The following ANKRD13A variants were observed in gnomAD, a reference collection of about 807,000 sequenced individuals.
The protein encoded by ANKRD13A is ankyrin repeat domain 13A, also known as ankyrin repeat domain-containing protein 13A.
A neutral mutation model predicts 81.3 loss-of-function variants in ANKRD13A; 48 were observed. That is an observed-to-expected ratio of 0.59 (90% confidence interval 0.47 to 0.75). ANKRD13A has a LOEUF of 0.75. Among genes scored for constraint, ANKRD13A ranks in the 30% least tolerant of loss-of-function variants. The pLI, the probability that ANKRD13A is intolerant of heterozygous loss-of-function variation, is 0.00. For missense variants in ANKRD13A, 612 were observed against 734.0 expected (o/e 0.83, Z 1.92); for synonymous variants, 230 against 270.1 (o/e 0.85, Z 1.45).
At chr12:110,034,314 C>T (rs1313962122) in intron 13 of ANKRD13A, among the ~76,000 whole-genome samples, 1 of 152,080 alleles carries the variant, frequency 6.6e-6, no homozygotes, top group Admixed American at 6.6e-5. Flanking sequence ...TCAGTAGTCT[C>T]GGATGAAGGT....
intron 6 of ANKRD13A, chr12:110,021,219 T>C (rs1891060120): frequency 9.0e-6 from 4 of 446,840 alleles, no homozygotes; most frequent in Non-Finnish European, 1.8e-5. Flanking sequence ...AAATGTGTGC[T>C]TGTCGTGCAT....
intron 13 of ANKRD13A, among the ~76,000 whole-genome samples, chr12:110,035,383 C>A (rs1276631593): frequency 6.6e-6 from 1 of 152,014 alleles, no homozygotes; most frequent in Non-Finnish European, 1.5e-5. Context: ...GATGGGAGGA[C>A]TGATTGAGCC....
At chr12:110,030,352 A>T (rs949653416) in intron 11 of ANKRD13A, among the ~76,000 whole-genome samples, 20 of 151,970 alleles carry the variant, frequency 1.3e-4, no homozygotes, top group African/African-American at 4.8e-4. Flanking sequence ...TTTTTAGTAG[A>T]GATGGGGTTT....
In ANKRD13A at chr12:110,019,148, C is replaced by T. The variant is rs1012068764; in HGVS notation, c.554C>T (p.Ala185Val). 19 of 1,594,238 alleles carry T rather than the reference C, an allele frequency of 1.2e-5. No homozygotes were observed. Among genetic ancestry groups the T allele is most frequent in the Middle Eastern group, 1.7e-4 (1 of 6,006 alleles). The change falls in exon 6 of 15, where the codon GCG (alanine) becomes GTG (valine). Residue 185 changes from alanine to valine, a missense_variant. By Grantham distance (64) the Ala-to-Val change is moderately conservative. Coordinates refer to ENST00000261739, the MANE Select transcript of ANKRD13A (RefSeq NM_033121.2). Reference sequence around the variant, plus strand: ...TTGTTTCCATTAATAGACAACTGGGCGGAGTTAATGGAAGTCAACCATGAT... The same window carrying T: ...TTGTTTCCATTAATAGACAACTGGGTGGAGTTAATGGAAGTCAACCATGAT... ...SFIFKGEDNWAELMEVNHDDK... is the reference protein window; with the variant it reads ...SFIFKGEDNWVELMEVNHDDK...
Position 110,013,193 on chromosome 12 carries a change from C to A in ANKRD13A, c.298C>A (p.His100Asn), listed in dbSNP as rs1210738050. 6.2e-7 allele frequency: 1 copy of A among 1,614,016 alleles called. No individual in the cohort carries two copies. Among genetic ancestry groups the A allele is most frequent in the Non-Finnish European group, 8.5e-7 (1 of 1,180,036 alleles). The change falls in exon 3 of 15, where the codon CAC (histidine) becomes AAC (asparagine). Residue 100 changes from histidine to asparagine, a missense_variant. Transcript: ENST00000261739. ...VYTVLQHRDY[H>N]NTSMALEGVP... is the part of the protein sequence containing the mutation. Reference sequence around the variant, plus strand: ...CACAGTTCTCCAACATCGAGACTACCACAACACATCCATGGCCCTTGAGGG... The same window carrying A: ...CACAGTTCTCCAACATCGAGACTACAACAACACATCCATGGCCCTTGAGGG...
At chr12:110,025,172 A>G (rs1054419296) in intron 7 of ANKRD13A, among the ~76,000 whole-genome samples, 9 of 152,184 alleles carry the variant, frequency 5.9e-5, no homozygotes, top group Non-Finnish European at 1.2e-4. Context: ...CCTGGCCAAC[A>G]TGGTGAAACC....
At chr12:110,032,033 T>C (rs529527126) in intron 12 of ANKRD13A, among the ~76,000 whole-genome samples, 4 of 152,178 alleles carry the variant, frequency 2.6e-5, no homozygotes, top group Non-Finnish European at 4.4e-5. Context: ...TCCTTTCTAA[T>C]CTTTAAGCTT....
chr12:110,037,263 A>T, intron 14 of ANKRD13A, 96 bp from the exon 15 acceptor site: 1 of 1,230,364 alleles, frequency 8.1e-7, no homozygotes, highest in Non-Finnish European at 1.2e-6. Flanking sequence ...TGCCTGGCAC[A>T]GTGTGCCCTT....
At chr12:110,024,233 G>A (rs933652482) in intron 7 of ANKRD13A, 121 bp downstream of exon 7, 15 of 833,900 alleles carry the variant, frequency 1.8e-5, no homozygotes, top group Admixed American at 2.8e-5. Flanking sequence ...AATGAGAACT[G>A]TCTAATGTGT....
At chr12:110,000,623 G>A in intron 1 of ANKRD13A, among the ~76,000 whole-genome samples, 1 of 152,156 alleles carries the variant, frequency 6.6e-6, no homozygotes, top group East Asian at 1.9e-4. Flanking sequence ...GGTGCTTCTG[G>A]TAGTGGGTAG....
intron 7 of ANKRD13A, among the ~76,000 whole-genome samples, chr12:110,025,505 G>C (rs1437398963): frequency 6.6e-6 from 1 of 152,176 alleles, no homozygotes. Flanking sequence ...GATGCAGCCT[G>C]TCACTGCTAA....
chr12:110,030,751 T>C lies in ANKRD13A; in HGVS notation c.1341T>C (p.Ala447=). Residue 447 remains alanine (A), a synonymous_variant, in exon 12 of 15, where the codon GCT becomes GCC. Coordinates refer to ENST00000261739, the MANE Select transcript of ANKRD13A (RefSeq NM_033121.2). ...CTCAAAATGTGGAAGGGACCCAGGC[T>C]GATTCAGGTAAAAAAATAAATAAAT... ...SVSQNVEGTQ[A]DSASHITNFE... is the part of the protein sequence containing the mutation. 1 of 1,577,570 alleles carries C rather than the reference T, an allele frequency of 6.3e-7. No homozygotes were observed.
In ANKRD13A at chr12:110,036,320, G is replaced by A. The variant is rs1359179165; in HGVS notation, c.1569G>A (p.Gln523=). 6.2e-7 allele frequency: 1 copy of A among 1,613,862 alleles called. No individual in the cohort carries two copies. The highest frequency in any genetic ancestry group is 8.5e-7 in the Non-Finnish European group (1 of 1,179,888). Residue 523 remains glutamine, a synonymous_variant, in exon 14 of 15, where the codon CAG becomes CAA. Coordinates refer to ENST00000261739, the MANE Select transcript of ANKRD13A (RefSeq NM_033121.2). The surrounding 1 kb of genome is among the most constrained non-coding windows in gnomAD (Gnocchi z 4.6). ...GCCAGACAAACACCTATGACGCCCA[G>A]TATGAGAGGTGATTGACTGACGTGA... ...GISQTNTYDA[Q]YERAIQESLL... is the part of the protein sequence containing the mutation.
intron 8 of ANKRD13A, among the ~76,000 whole-genome samples, chr12:110,026,122 C>T (rs544770093): frequency 6.2e-4 from 94 of 151,994 alleles, no homozygotes; most frequent in African/African-American, 2.1e-3. Context: ...CCACCACGCC[C>T]GGCTAATTTT....
chr12:110,027,292 G>A (rs1891397964), intron 8 of ANKRD13A: 1 of 185,298 alleles, frequency 5.4e-6, no homozygotes, highest in Admixed American at 5.6e-5. Flanking sequence ...CGACGTGGAA[G>A]CCTTTAGAAT....
At chr12:110,002,685 G>A (rs1890041211) in intron 1 of ANKRD13A, among the ~76,000 whole-genome samples, 1 of 152,170 alleles carries the variant, frequency 6.6e-6, no homozygotes, top group Non-Finnish European at 1.5e-5. Flanking sequence ...TTAATGTTTT[G>A]TTTGCTGGTG....
chr12:110,007,172 T>TA (rs1332243534), intron 1 of ANKRD13A, among the ~76,000 whole-genome samples: 16 of 152,226 alleles, frequency 1.1e-4, no homozygotes, highest in Non-Finnish European at 4.4e-5. Flanking sequence ...TCAAGGTGGC[T>TA]ATTCTAGGTT....
chr12:110,014,395 G>A, intron 3 of ANKRD13A, among the ~76,000 whole-genome samples: 1 of 152,194 alleles, frequency 6.6e-6, no homozygotes, highest in Non-Finnish European at 1.5e-5. Flanking sequence ...CTGGGTGACA[G>A]AGCGAGACTC....
Position 110,029,581 on chromosome 12 carries a change from A to C in ANKRD13A, c.1180A>C (p.Arg394=). The C allele has an allele frequency of 6.2e-7, 1 of 1,613,972 alleles. No homozygotes were observed. The highest frequency in any genetic ancestry group is 8.5e-7 in the Non-Finnish European group (1 of 1,179,850). Residue 394 remains arginine (R), a synonymous_variant, in exon 11 of 15, where the codon AGA becomes CGA. Transcript: ENST00000261739. ...GGCTCGAACGAGTGCTCATTTTGCA[A>C]GACTGAGAGATTTCATCAAATTGGA... ...LMARTSAHFA[R]LRDFIKLEFP...
Sources: gnomAD v4.1 joint callset for allele counts (sites outside exome capture counted in the v4.1 genomes callset) on GRCh38, gnomAD v4.1.1 for gene constraint, Gnocchi (gnomAD v3.1) non-coding constraint, MANE v1.5 for transcripts, NCBI Gene and HGNC (gene_info 2026-07-23, HGNC 2026-07-21) for gene names.